MAGI1: variants seen among roughly 807,000 people sequenced by gnomAD.
MAGI1 encodes the protein membrane associated guanylate kinase, WW and PDZ domain containing 1.
A neutral mutation model predicts 139.9 loss-of-function variants in MAGI1; 58 were observed. The observed-to-expected ratio is 0.41, with a 90% CI of 0.34 to 0.52. MAGI1 has a LOEUF of 0.52. Ranked by LOEUF, MAGI1 falls within the 20% of genes least tolerant of loss-of-function variation. MAGI1 has a pLI of 0.12. For synonymous variants in MAGI1, 812 were observed against 737.9 expected, an observed-to-expected ratio of 1.10 and a Z score of -1.63; for missense variants, 1,874 against 1,901.6, an observed-to-expected ratio of 0.99 and a Z score of 0.27.
At chr3:65,619,274 T>C (rs9809953) in intron 2 of MAGI1, among the ~76,000 whole-genome samples, 38,883 of 152,138 alleles carry the variant, frequency 0.26, 5,138 homozygotes, top group Middle Eastern at 0.37. Context: ...GGGGTGCTAT[T>C]ACCTGCATTT....
At chr3:65,766,024 G>A (rs1348610468) in intron 1 of MAGI1, among the ~76,000 whole-genome samples, 2 of 152,192 alleles carry the variant, frequency 1.3e-5, no homozygotes, top group East Asian at 3.9e-4. Context: ...AAGTTGAGAT[G>A]AGTAGGCAGG....
At chr3:65,771,297 A>G (rs2037935513) in intron 1 of MAGI1, among the ~76,000 whole-genome samples, 1 of 144,354 alleles carries the variant, frequency 6.9e-6, no homozygotes, top group African/African-American at 2.6e-5. Context: ...ACAGACAGTG[A>G]ATCTGTCTCA....
chr3:65,400,204 C>T (rs185355004), intron 13 of MAGI1, among the ~76,000 whole-genome samples: 3 of 152,282 alleles, frequency 2.0e-5, no homozygotes, highest in East Asian at 1.9e-4. Context: ...TCTGCCTGGA[C>T]GTTAACACAC....
intron 1 of MAGI1, among the ~76,000 whole-genome samples, chr3:65,731,534 A>T (rs567563705): frequency 6.6e-6 from 1 of 151,556 alleles, no homozygotes; most frequent in Non-Finnish European, 1.5e-5. Context: ...GCATGCCTGT[A>T]GTCCCAGCTA....
intron 1 of MAGI1, among the ~76,000 whole-genome samples, chr3:65,842,094 A>C (rs942819780): frequency 1.3e-5 from 2 of 152,128 alleles, no homozygotes; most frequent in Admixed American, 1.3e-4. Context: ...AAGAGTATTG[A>C]CTCAAATTTT....
chr3:65,451,754 T>C (rs1301109133), intron 6 of MAGI1, among the ~76,000 whole-genome samples: 1 of 152,050 alleles, frequency 6.6e-6, no homozygotes, highest in Non-Finnish European at 1.5e-5. Context: ...AGGTGATCCT[T>C]CTGCCTCAGC....
At chr3:65,446,534 A>G (rs958495483) in intron 7 of MAGI1, among the ~76,000 whole-genome samples, 1 of 152,146 alleles carries the variant, frequency 6.6e-6, no homozygotes, top group African/African-American at 2.4e-5. Flanking sequence ...AGAGAAGCAA[A>G]TAAGGTTGTG....
intron 1 of MAGI1, among the ~76,000 whole-genome samples, chr3:65,957,350 CAAAAAAAAA>C (rs1174740233): frequency 2.2e-5 from 2 of 91,512 alleles, no homozygotes; most frequent in Non-Finnish European, 4.3e-5. Context: ...CCTGTCTCTA[CAAAAAAAAA>C]AAAAAAAAAA....
chr3:66,025,426 G>A (rs1205374375), intron 1 of MAGI1, among the ~76,000 whole-genome samples: 1 of 152,168 alleles, frequency 6.6e-6, no homozygotes, highest in Non-Finnish European at 1.5e-5. Flanking sequence ...TGTGGTCCCA[G>A]CTAGTCAGTA....
intron 1 of MAGI1, among the ~76,000 whole-genome samples, chr3:65,723,761 A>G (rs2033311343): frequency 6.6e-6 from 1 of 152,232 alleles, no homozygotes; most frequent in African/African-American, 2.4e-5. Context: ...TGACATGTAA[A>G]AATGCACATC....
intron 5 of MAGI1, among the ~76,000 whole-genome samples, chr3:65,469,380 CAA>C (rs1950406260): frequency 6.6e-6 from 1 of 151,802 alleles, no homozygotes; most frequent in Non-Finnish European, 1.5e-5. Flanking sequence ...TGGTGAATCT[CAA>C]TGATAGGATA....
intron 2 of MAGI1, among the ~76,000 whole-genome samples, chr3:65,530,691 A>ATATATATACATATATATACGTG (rs1375455762): frequency 7.0e-6 from 1 of 143,636 alleles, no homozygotes; most frequent in African/African-American, 2.6e-5. Flanking sequence ...ATATACGTGT[A>ATATATATACATATATATACGTG]TATATATACA....
At chr3:65,570,271 T>A (rs1028919327) in intron 2 of MAGI1, among the ~76,000 whole-genome samples, 1 of 151,792 alleles carries the variant, frequency 6.6e-6, no homozygotes, top group African/African-American at 2.4e-5. Flanking sequence ...CCAGCTAATT[T>A]TTATGTTTTT....
At chr3:65,895,653 G>T (rs1278019901) in intron 1 of MAGI1, among the ~76,000 whole-genome samples, 2 of 152,118 alleles carry the variant, frequency 1.3e-5, no homozygotes, top group Admixed American at 1.3e-4. Context: ...ATAGTTTCAT[G>T]TGCCAAGTGC....
rs867472641 is a variant in MAGI1 at position 65,635,254 on chromosome 3, G to A, written c.314-13166C>T. ...TAATTTTTGTATTTTTAGTAGAGAT[G>A]GGATTTCACCATGTCAGCCAGGGAG... On this transcript the variant is annotated intron_variant, in intron 1 of 22. Coordinates refer to ENST00000402939, the MANE Select transcript of MAGI1 (RefSeq NM_001033057.2). Among the ~76,000 whole-genome samples the A allele has an allele frequency of 3.9e-5, 6 of 152,002 alleles. No homozygotes were observed. In the South Asian group the frequency reaches 1.2e-3, roughly 32 times the overall value.
chr3:65,421,809 T>C (rs779629438), intron 12 of MAGI1, among the ~76,000 whole-genome samples: 9 of 152,194 alleles, frequency 5.9e-5, no homozygotes, highest in African/African-American at 2.2e-4. Context: ...CAAGCACTTA[T>C]ACTTTACAAG....
chr3:65,852,963 G>T (rs57023181), intron 1 of MAGI1, among the ~76,000 whole-genome samples: 2 of 138,324 alleles, frequency 1.4e-5, no homozygotes, highest in African/African-American at 5.2e-5. Context: ...GTGAAACCCC[G>T]TATCTACTAA....
intron 1 of MAGI1, among the ~76,000 whole-genome samples, chr3:65,638,008 G>A (rs1335501491): frequency 6.6e-6 from 1 of 152,166 alleles, no homozygotes; most frequent in African/African-American, 2.4e-5. Context: ...GACTGAACAA[G>A]TGAGTGAATA....
At chr3:65,442,341 G>A (rs892490982) in intron 8 of MAGI1, among the ~76,000 whole-genome samples, 2 of 152,174 alleles carry the variant, frequency 1.3e-5, no homozygotes, top group Non-Finnish European at 2.9e-5. Flanking sequence ...TACCGTGGCT[G>A]AACCTTTTGA....
Sources: allele counts gnomAD v4.1 joint callset (sites outside exome capture counted in the v4.1 genomes callset), GRCh38; gene constraint gnomAD v4.1.1; transcripts MANE v1.5; gene names NCBI Gene and HGNC (gene_info 2026-07-23, HGNC 2026-07-21).